Variants in EIF2AK4 observed in about 807,000 individuals in gnomAD.
EIF2AK4 encodes the protein eIF-2-alpha kinase GCN2.
Under a neutral mutation model 211.1 loss-of-function variants are expected in EIF2AK4, and 139 were observed. The ratio of observed to expected loss-of-function variants is 0.66; its 90% confidence interval spans 0.57 to 0.76. The LOEUF is 0.76. EIF2AK4 is among the 30% of genes least tolerant of loss of function. EIF2AK4 has a pLI of 0.00. For missense variants in EIF2AK4, 1,664 were observed against 2,043.8 expected (o/e 0.81, Z 3.58); for synonymous variants, 710 against 751.3 (o/e 0.94, Z 0.90).
At chr15:39,986,328 C>T (rs890106798) in intron 14 of EIF2AK4, among the ~76,000 whole-genome samples, 2 of 152,236 alleles carry the variant, frequency 1.3e-5, no homozygotes, top group African/African-American at 4.8e-5. Context: ...TTTGCCTAAC[C>T]ACCTGAATCT....
At chr15:39,992,709 G>C in intron 17 of EIF2AK4, 60 bp from the exon 18 acceptor site, 1 of 1,468,970 alleles carries the variant, frequency 6.8e-7, no homozygotes, top group Non-Finnish European at 9.5e-7. Flanking sequence ...TTTGTTTTTA[G>C]TTTGTGTCTT....
At chr15:39,996,473 G>C (rs1465986973) in intron 18 of EIF2AK4, among the ~76,000 whole-genome samples, 1 of 152,208 alleles carries the variant, frequency 6.6e-6, no homozygotes, top group Non-Finnish European at 1.5e-5. Flanking sequence ...AGGAGGCCAA[G>C]GTGGGTGAAT....
chr15:39,949,360 C>CT (rs1422602765), intron 4 of EIF2AK4, 92 bp downstream of exon 4: 1 of 1,511,136 alleles, frequency 6.6e-7, no homozygotes, highest in Non-Finnish European at 8.9e-7. Context: ...ACAAACTTAT[C>CT]TTTAAGTTTT....
intron 17 of EIF2AK4, 41 bp from the exon 18 acceptor site, chr15:39,992,728 G>A: frequency 6.5e-7 from 1 of 1,549,560 alleles, no homozygotes; most frequent in South Asian, 1.1e-5. Flanking sequence ...TTCTGTAAGT[G>A]CTATTATTGG....
chr15:40,016,175 A>G lies in EIF2AK4; in HGVS notation c.3760-327A>G, dbSNP rs553128276. Among the ~76,000 whole-genome samples the G allele has an allele frequency of 5.9e-5, 9 of 152,334 alleles. No homozygotes were observed. The East Asian group carries it at 1.7e-3, about 29-fold the overall frequency. On this transcript the variant is annotated intron_variant, in intron 27 of 38. Transcript: ENST00000263791. Reference sequence around the variant, plus strand: ...ATTCATGAGAATAAGAAAGGTAAAGAGGAAAAATACTGGCCTGAAAATAGA... The same window carrying G: ...ATTCATGAGAATAAGAAAGGTAAAGGGGAAAAATACTGGCCTGAAAATAGA...
intron 9 of EIF2AK4, among the ~76,000 whole-genome samples, chr15:39,969,779 G>C (rs1454272431): frequency 1.3e-5 from 2 of 152,142 alleles, no homozygotes; most frequent in African/African-American, 4.8e-5. Flanking sequence ...GAACTTTGCT[G>C]TCCAGCCCTG....
In EIF2AK4 at chr15:40,009,641, C is replaced by G. The variant is rs371268073; in HGVS notation, c.3604C>G (p.His1202Asp). ...QERNYSIYLN[H>D]TMLLKAILLH... ...AAGAAATTACAGTATTTATTTGAAC[C>G]ATACCATGTTATTGAAAGCAATACT... Residue 1202 changes from histidine (H) to aspartate (D), a missense_variant, in exon 26 of 39, where the codon CAT (histidine) becomes GAT (aspartate). His to Asp is a moderately conservative substitution (Grantham distance 81, BLOSUM62 -1). Coordinates refer to ENST00000263791, the MANE Select transcript of EIF2AK4 (RefSeq NM_001013703.4). 3 of 1,601,774 alleles carry G rather than the reference C, an allele frequency of 1.9e-6. No homozygotes were observed. Among genetic ancestry groups the G allele is most frequent in the Admixed American group, 1.7e-5 (1 of 57,734 alleles).
At chr15:40,029,910 G>T (rs926839766) in intron 34 of EIF2AK4, among the ~76,000 whole-genome samples, 2 of 152,164 alleles carry the variant, frequency 1.3e-5, no homozygotes, top group African/African-American at 4.8e-5. Context: ...CTTTTTTAAA[G>T]AAGTGTTCCA....
chr15:39,956,610 C>G (rs143787854), intron 6 of EIF2AK4, among the ~76,000 whole-genome samples: 168 of 152,324 alleles, frequency 1.1e-3, no homozygotes, highest in Non-Finnish European at 2.0e-3. Flanking sequence ...AAAGATACTA[C>G]TTGTTCTTCT....
chr15:40,019,126 C>T lies in EIF2AK4; in HGVS notation c.4099C>T (p.Pro1367Ser). Residue 1367 changes from proline (P) to serine (S), a missense_variant, in exon 30 of 39, where the codon CCA (proline) becomes TCA (serine). Physicochemically the swap from Pro to Ser is moderately conservative, Grantham distance 74. Coordinates refer to ENST00000263791, the MANE Select transcript of EIF2AK4 (RefSeq NM_001013703.4). ...PQFRGPQALG[P>S]VPTAIGVSIA... is the part of the protein sequence containing the mutation. ...GTTTAGAGGGCCACAAGCTCTGGGG[C>T]CAGTTCCCACTGCCATTGGGGTCAG... The T allele has an allele frequency of 3.1e-6, 5 of 1,607,942 alleles. No homozygotes were observed. The highest frequency in any genetic ancestry group is 3.4e-6 in the Non-Finnish European group (4 of 1,177,064).
At chr15:39,942,853 A>G (rs1295015488) in intron 2 of EIF2AK4, among the ~76,000 whole-genome samples, 1 of 152,166 alleles carries the variant, frequency 6.6e-6, no homozygotes, top group African/African-American at 2.4e-5. Flanking sequence ...CCACTCATCT[A>G]TTTATTCTTG....
At chr15:39,948,297 G>T (rs1217517559) in intron 3 of EIF2AK4, among the ~76,000 whole-genome samples, 1 of 152,100 alleles carries the variant, frequency 6.6e-6, no homozygotes, top group Non-Finnish European at 1.5e-5. Context: ...TTTTAAAATT[G>T]CTTCACTGTA....
intron 9 of EIF2AK4, among the ~76,000 whole-genome samples, chr15:39,968,857 T>A (rs1361118790): frequency 6.9e-6 from 1 of 145,126 alleles, no homozygotes; most frequent in East Asian, 2.0e-4. Context: ...AGATTGTTTT[T>A]GTGTAAAGTG....
In EIF2AK4 at chr15:40,022,600, G is replaced by C. The variant is rs1171742504; in HGVS notation, c.4384G>C (p.Val1462Leu). 1 of 1,614,116 alleles carries C rather than the reference G, an allele frequency of 6.2e-7. No individual in the cohort carries two copies. Among genetic ancestry groups the C allele is most frequent in the Non-Finnish European group, 8.5e-7 (1 of 1,179,952 alleles). ...ALVSDKEGSHVKVKSFEKERQ... is the reference protein window; with the variant it reads ...ALVSDKEGSHLKVKSFEKERQ... ...TGTCTCGGATAAAGAAGGAAGCCAT[G>C]TCAAGGTAAAGACGTCAGAGATTTT... The change falls in exon 32 of 39, where the codon GTC becomes CTC. Residue 1462 changes from valine to leucine, a missense_variant. Around this residue, in one of 7 missense-constraint regions of EIF2AK4, gnomAD observed 622 missense variants for 796.8 expected, o/e 0.78. Coordinates refer to ENST00000263791, the MANE Select transcript of EIF2AK4 (RefSeq NM_001013703.4).
Position 40,008,165 on chromosome 15 carries a change from T to C in EIF2AK4, c.3546T>C (p.Tyr1182=). 6.2e-7 allele frequency: 1 copy of C among 1,609,292 alleles called. No homozygotes were observed. The highest frequency in any genetic ancestry group is 8.5e-7 in the Non-Finnish European group (1 of 1,178,504). The change falls in exon 25 of 39, where the codon TAT becomes TAC. Residue 1182 remains tyrosine, a synonymous_variant. Coordinates refer to ENST00000263791, the MANE Select transcript of EIF2AK4 (RefSeq NM_001013703.4). ...LPTAEIIYTI[Y]EIIQEFPALQ... ...CTGCTGAAATTATCTACACTATCTATGAAATCATCCAAGAGTTTCCAGCAC... is the reference window on the plus strand; with the variant it reads ...CTGCTGAAATTATCTACACTATCTACGAAATCATCCAAGAGTTTCCAGCAC...
intron 18 of EIF2AK4, 81 bp downstream of exon 18, chr15:39,992,929 G>A (rs541387931): frequency 4.2e-5 from 56 of 1,334,996 alleles, no homozygotes; most frequent in African/African-American, 2.2e-4. Flanking sequence ...ATTTAGTCCC[G>A]GCTAAAATAG....
chr15:40,011,421 G>A (rs1322599539), intron 27 of EIF2AK4, 75 bp downstream of exon 27: 12 of 1,331,228 alleles, frequency 9.0e-6, no homozygotes, highest in African/African-American at 7.3e-5. Context: ...TCAAATTCTC[G>A]TTGCAGTAGG....
intron 4 of EIF2AK4, among the ~76,000 whole-genome samples, chr15:39,949,831 A>G (rs568000044): frequency 1.3e-5 from 2 of 152,240 alleles, no homozygotes; most frequent in African/African-American, 4.8e-5. Context: ...TCCTGTTTAT[A>G]TCCTATGCTG....
intron 1 of EIF2AK4, among the ~76,000 whole-genome samples, chr15:39,936,648 A>C (rs915917673): frequency 3.3e-5 from 5 of 152,094 alleles, no homozygotes; most frequent in Admixed American, 6.5e-5. Flanking sequence ...CCTGACCTCA[A>C]GTCCTCCCGC....
Sources: allele counts gnomAD v4.1 joint callset (sites outside exome capture counted in the v4.1 genomes callset), GRCh38; gene constraint gnomAD v4.1.1; regional missense constraint gnomAD v4.1.1; transcripts MANE v1.5; gene names NCBI Gene and HGNC (gene_info 2026-07-23, HGNC 2026-07-21).